SLC25A21: variants seen among roughly 807,000 people sequenced by gnomAD.
The protein encoded by SLC25A21 is solute carrier family 25 member 21, also known as mitochondrial 2-oxodicarboxylate carrier.
Under a neutral mutation model 43.8 loss-of-function variants are expected in SLC25A21, and 47 were observed. The observed-to-expected ratio is 1.07, with a 90% CI of 0.85 to 1.37. The LOEUF (loss-of-function observed/expected upper bound fraction) is 1.37, where lower values mean the gene tolerates loss of function less well. Ranked by LOEUF, SLC25A21 falls within the 40% of genes most tolerant of loss-of-function variation. The pLI is 0.00. For synonymous variants in SLC25A21, 131 were observed against 121.3 expected (o/e 1.08, Z -0.52); for missense variants, 352 against 350.2 (o/e 1.00, Z -0.04).
At chr14:36,838,378 A>C (rs1282348461) in intron 2 of SLC25A21, among the ~76,000 whole-genome samples, 1 of 152,142 alleles carries the variant, frequency 6.6e-6, no homozygotes, top group East Asian at 1.9e-4. Flanking sequence ...ACCTAGTCCT[A>C]TTGGGGTCTT....
At chr14:36,945,775 G>A (rs1018592564) in intron 1 of SLC25A21, among the ~76,000 whole-genome samples, 54 of 152,274 alleles carry the variant, frequency 3.5e-4, no homozygotes, top group African/African-American at 1.3e-3. Flanking sequence ...CAGGAAAAGA[G>A]TTCTGGAGAT....
chr14:36,947,918 T>C (rs998474731), intron 1 of SLC25A21, among the ~76,000 whole-genome samples: 1 of 152,196 alleles, frequency 6.6e-6, no homozygotes, highest in South Asian at 2.1e-4. Flanking sequence ...ATGATATGTA[T>C]GTGGAAATAA....
At chr14:37,123,795 A>G (rs1963251773) in intron 1 of SLC25A21, among the ~76,000 whole-genome samples, 1 of 152,150 alleles carries the variant, frequency 6.6e-6, no homozygotes, top group Admixed American at 6.5e-5. Context: ...CTAAGGCAAG[A>G]AGATCATTTG....
At chr14:37,149,449 C>CA (rs200495467) in intron 1 of SLC25A21, among the ~76,000 whole-genome samples, 166 of 149,234 alleles carry the variant, frequency 1.1e-3, no homozygotes, top group Middle Eastern at 3.4e-3. Context: ...ACTGCTCCAT[C>CA]AAAAAAAAAA....
intron 2 of SLC25A21, among the ~76,000 whole-genome samples, chr14:36,820,227 G>A (rs996189057): frequency 6.6e-6 from 1 of 152,098 alleles, no homozygotes; most frequent in East Asian, 1.9e-4. Context: ...CTCCCATTCA[G>A]CTCTGCTTTT....
At chr14:36,756,072 A>C (rs1003724376) in intron 3 of SLC25A21, among the ~76,000 whole-genome samples, 2 of 152,186 alleles carry the variant, frequency 1.3e-5, no homozygotes, top group Admixed American at 1.3e-4. Flanking sequence ...CCATCCCATA[A>C]TAAAAGAGGT....
chr14:36,958,445 T>C (rs1959397311), intron 1 of SLC25A21, among the ~76,000 whole-genome samples: 1 of 152,214 alleles, frequency 6.6e-6, no homozygotes, highest in Non-Finnish European at 1.5e-5. Flanking sequence ...TCCTTTGAAG[T>C]TATCCTGCAG....
At chr14:36,993,176 T>C (rs745328867) in intron 1 of SLC25A21, among the ~76,000 whole-genome samples, 14 of 152,162 alleles carry the variant, frequency 9.2e-5, no homozygotes, top group Admixed American at 3.9e-4. Flanking sequence ...TTCTATAGAA[T>C]CATATTACTG....
chr14:37,127,740 A>G (rs1342782835), intron 1 of SLC25A21, among the ~76,000 whole-genome samples: 1 of 152,218 alleles, frequency 6.6e-6, no homozygotes, highest in East Asian at 1.9e-4. Flanking sequence ...ATAAACTAAC[A>G]TATGGAAACC....
At chr14:37,108,280 T>C (rs1004447146) in intron 1 of SLC25A21, among the ~76,000 whole-genome samples, 5 of 152,200 alleles carry the variant, frequency 3.3e-5, no homozygotes. Context: ...CATTTGCTAA[T>C]GAATTCATTG....
intron 2 of SLC25A21, among the ~76,000 whole-genome samples, chr14:36,846,573 G>A (rs957584248): frequency 6.6e-6 from 1 of 151,988 alleles, no homozygotes; most frequent in African/African-American, 2.4e-5. Flanking sequence ...GTAGAGACAG[G>A]GTTCCACCAT....
rs143470479 is a variant in SLC25A21, at chr14:36,687,103, C to T, written c.604-2178G>A. Reference sequence around the variant, plus strand: ...AGTAGCTGGGATTACAGGCATGTGCCACCATACCCAGCTAAATTTTTGTAT... The same window carrying T: ...AGTAGCTGGGATTACAGGCATGTGCTACCATACCCAGCTAAATTTTTGTAT... On this transcript the variant is annotated intron_variant, in intron 7 of 9. Transcript: ENST00000331299. 1.0e-2 allele frequency among the ~76,000 whole-genome samples: 1,518 copies of T among 152,266 alleles called. 22 individuals carry two copies. Among genetic ancestry groups the T allele is most frequent in the African/African-American group, 0.031 (1,291 of 41,546 alleles).
chr14:36,949,148 G>A (rs1261577880), intron 1 of SLC25A21, among the ~76,000 whole-genome samples: 1 of 152,096 alleles, frequency 6.6e-6, no homozygotes, highest in Non-Finnish European at 1.5e-5. Context: ...TTTCTTTGAG[G>A]GAGAAAAAGA....
rs549337609 is a variant in SLC25A21, at chr14:37,141,937, T to G, written c.70+30344A>C. Among the ~76,000 whole-genome samples the G allele has an allele frequency of 5.5e-4, 83 of 152,262 alleles. No homozygotes were observed. The Middle Eastern group carries it at 0.01, about 19-fold the overall frequency. ...GACGTAAAAAATGCTGATTCCTGGG[T>G]CCAATTCCCAGAGGTTCTGATGTAG... On this transcript the variant is annotated intron_variant, in intron 1 of 9. Coordinates refer to ENST00000331299, the MANE Select transcript of SLC25A21 (RefSeq NM_030631.4).
chr14:37,052,985 A>C (rs1389229932), intron 1 of SLC25A21, among the ~76,000 whole-genome samples: 1 of 152,226 alleles, frequency 6.6e-6, no homozygotes, highest in Non-Finnish European at 1.5e-5. Flanking sequence ...TAATCTAAGA[A>C]GATTTCAATA....
At chr14:37,009,728 C>T (rs1243133202) in intron 1 of SLC25A21, among the ~76,000 whole-genome samples, 1 of 152,114 alleles carries the variant, frequency 6.6e-6, no homozygotes, top group Non-Finnish European at 1.5e-5. Flanking sequence ...CCATAGAATG[C>T]CCAGTGGATG....
At chr14:36,840,094 G>A (rs747861056) in intron 2 of SLC25A21, among the ~76,000 whole-genome samples, 6 of 152,120 alleles carry the variant, frequency 3.9e-5, no homozygotes, top group African/African-American at 1.4e-4. Context: ...GCACACAGGT[G>A]GCCTTCCACA....
intron 2 of SLC25A21, among the ~76,000 whole-genome samples, chr14:36,850,891 G>T (rs1164674620): frequency 2.6e-5 from 4 of 152,136 alleles, no homozygotes; most frequent in Non-Finnish European, 4.4e-5. Context: ...AATATAGGGA[G>T]TGCACACAGG....
chr14:36,700,943 G>C (rs746115677), intron 7 of SLC25A21, among the ~76,000 whole-genome samples: 1 of 152,182 alleles, frequency 6.6e-6, no homozygotes, highest in Non-Finnish European at 1.5e-5. Flanking sequence ...TGGAATCATA[G>C]TTGCCTCCTG....
Sources: allele counts gnomAD v4.1 joint callset (sites outside exome capture counted in the v4.1 genomes callset), GRCh38; gene constraint gnomAD v4.1.1; transcripts MANE v1.5; gene names NCBI Gene and HGNC (gene_info 2026-07-23, HGNC 2026-07-21).